CEP112: variants seen among roughly 807,000 people sequenced by gnomAD.
CEP112 encodes centrosomal protein of 112 kDa.
A neutral mutation model predicts 153.0 loss-of-function variants in CEP112; 127 were observed. The ratio of observed to expected loss-of-function variants is 0.83; its 90% CI spans 0.72 to 0.96. The LOEUF is 0.96. Ranked by LOEUF, CEP112 falls within the 40% of genes least tolerant of loss-of-function variation. CEP112 has a pLI of 0.00. For synonymous variants in CEP112, 358 were observed against 374.4 expected (o/e 0.96, Z 0.51); for missense variants, 1,089 against 1,101.2 (o/e 0.99, Z 0.16).
intron 24 of CEP112, among the ~76,000 whole-genome samples, chr17:65,648,722 G>A (rs1407282660): frequency 6.6e-6 from 1 of 152,148 alleles, no homozygotes; most frequent in Non-Finnish European, 1.5e-5. Context: ...AGCGAAGGGA[G>A]AACTAAAACA....
chr17:65,913,761 C>T (rs1017036788), intron 19 of CEP112: 28 of 985,270 alleles, frequency 2.8e-5, no homozygotes, highest in Non-Finnish European at 3.4e-5. Flanking sequence ...CTGAAGCTCC[C>T]GAAGCTCATG....
At chr17:65,664,221 A>C (rs766605656) in intron 24 of CEP112, among the ~76,000 whole-genome samples, 12 of 152,206 alleles carry the variant, frequency 7.9e-5, no homozygotes, top group Non-Finnish European at 1.8e-4. Context: ...CTGAACAGGC[A>C]GAAGTTTGGC....
intron 17 of CEP112, among the ~76,000 whole-genome samples, chr17:65,998,331 C>T (rs1185848498): frequency 7.6e-6 from 1 of 131,616 alleles, no homozygotes; most frequent in Non-Finnish European, 1.5e-5. Flanking sequence ...AGCAGTGAGC[C>T]GAGATCAGCC....
intron 24 of CEP112, among the ~76,000 whole-genome samples, chr17:65,654,067 A>AAAAAAAAAAAAAAAAAAAAAAAAAC: frequency 6.7e-6 from 1 of 150,034 alleles, no homozygotes; most frequent in Non-Finnish European, 1.5e-5. Flanking sequence ...AAAAAAAAAA[A>AAAAAAAAAAAAAAAAAAAAAAAAAC]AAAAAAAAAA....
intron 17 of CEP112, among the ~76,000 whole-genome samples, chr17:65,969,810 T>A (rs2062583996): frequency 6.7e-6 from 1 of 148,774 alleles, no homozygotes; most frequent in South Asian, 2.2e-4. Flanking sequence ...CACATGTATA[T>A]TACCTGCATA....
At chr17:65,966,602 C>A (rs1016340250) in intron 17 of CEP112, among the ~76,000 whole-genome samples, 4 of 152,112 alleles carry the variant, frequency 2.6e-5, no homozygotes, top group African/African-American at 9.7e-5. Context: ...GGCTGGAAAA[C>A]AAGACTCACA....
intron 2 of CEP112, 126 bp from the exon 3 acceptor site, chr17:66,177,146 CAG>C: frequency 1.4e-6 from 1 of 718,190 alleles, no homozygotes; most frequent in Non-Finnish European, 2.2e-6. Context: ...TGTTAAAGGC[CAG>C]AGAGTATATA....
At position 65,837,297 on chromosome 17, in the gene CEP112, C is replaced by A. The variant is rs1459402141; in HGVS notation, c.2394+14507G>T. Among the ~76,000 whole-genome samples, 3 of 151,738 alleles carry A rather than the reference C, an allele frequency of 2.0e-5. No individual in the cohort carries two copies. In the East Asian group the frequency reaches 5.8e-4, roughly 30 times the overall value. ...GGATGTGAGGAGCCCCTCTGCCCGG[C>A]CGCCCAGTCTGGAAAGTGAGGAGCG... On this transcript the variant is annotated intron_variant, in intron 21 of 26. Coordinates refer to ENST00000535342, the MANE Select transcript of CEP112 (RefSeq NM_001199165.4).
At position 65,836,381 on chromosome 17, in the gene CEP112, C is replaced by T. The variant is rs114466157; in HGVS notation, c.2394+15423G>A. Among the ~76,000 whole-genome samples, 199 of 152,190 alleles carry T rather than the reference C, an allele frequency of 1.3e-3. 2 individuals are homozygous for T. The highest frequency in any genetic ancestry group is 3.7e-3 in the African/African-American group (154 of 41,542). ...TAAAAGAAAACAAGATTCAACTGTACGCTGTCTTCAAGAAACTCACTTCAC... is the reference window on the plus strand; with the variant it reads ...TAAAAGAAAACAAGATTCAACTGTATGCTGTCTTCAAGAAACTCACTTCAC... On this transcript the variant is annotated intron_variant, in intron 21 of 26. Transcript: ENST00000535342.
chr17:66,149,123 T>C (rs1472444093), intron 4 of CEP112, among the ~76,000 whole-genome samples: 1 of 152,220 alleles, frequency 6.6e-6, no homozygotes, highest in Non-Finnish European at 1.5e-5. Context: ...TTAATGCTAA[T>C]GTAGTATATC....
At chr17:65,777,625 T>C (rs1383595447) in intron 21 of CEP112, among the ~76,000 whole-genome samples, 1 of 152,188 alleles carries the variant, frequency 6.6e-6, no homozygotes, top group African/African-American at 2.4e-5. Context: ...GTCTAGTGGT[T>C]GAAGTTCTCC....
chr17:65,785,428 C>T (rs1272237917), intron 21 of CEP112, among the ~76,000 whole-genome samples: 1 of 152,196 alleles, frequency 6.6e-6, no homozygotes, highest in African/African-American at 2.4e-5. Flanking sequence ...TTTACAATCT[C>T]ACCAGCAAAG....
intron 16 of CEP112, among the ~76,000 whole-genome samples, chr17:66,024,619 A>G (rs1427885765): frequency 6.6e-6 from 1 of 152,132 alleles, no homozygotes; most frequent in African/African-American, 2.4e-5. Context: ...AAGGAAAACT[A>G]CAAAACACTG....
At chr17:65,678,771 G>A (rs1323952156) in intron 24 of CEP112, among the ~76,000 whole-genome samples, 1 of 151,984 alleles carries the variant, frequency 6.6e-6, no homozygotes, top group East Asian at 1.9e-4. Flanking sequence ...TTGCTGACAC[G>A]TGGATTTGAT....
At chr17:65,953,019 C>T (rs1043453314) in intron 18 of CEP112, among the ~76,000 whole-genome samples, 5 of 151,584 alleles carry the variant, frequency 3.3e-5, no homozygotes, top group Non-Finnish European at 5.9e-5. Flanking sequence ...GCAAGTTCTT[C>T]GAAATACATG....
chr17:65,877,532 C>T (rs985879076), intron 20 of CEP112, among the ~76,000 whole-genome samples: 2 of 152,150 alleles, frequency 1.3e-5, no homozygotes, highest in Admixed American at 1.3e-4. Flanking sequence ...TCCTCATTCC[C>T]TCACTTCAGA....
chr17:65,686,707 C>T (rs232117), intron 24 of CEP112, among the ~76,000 whole-genome samples: 71,490 of 151,992 alleles, frequency 0.47, 17,077 homozygotes, highest in Middle Eastern at 0.55. Flanking sequence ...ACTTGGCACA[C>T]GATGGGCAAG....
intron 4 of CEP112, among the ~76,000 whole-genome samples, chr17:66,137,393 A>G (rs1232111951): frequency 6.6e-6 from 1 of 152,050 alleles, no homozygotes; most frequent in African/African-American, 2.4e-5. Flanking sequence ...AGAGAAAGAG[A>G]AGAGAGAGAA....
intron 21 of CEP112, among the ~76,000 whole-genome samples, chr17:65,841,817 A>G (rs1447523762): frequency 6.6e-6 from 1 of 151,896 alleles, no homozygotes; most frequent in Admixed American, 6.6e-5. Flanking sequence ...TTGCATAATT[A>G]TCAGCACTAA....
Sources: allele counts gnomAD v4.1 joint callset (sites outside exome capture counted in the v4.1 genomes callset), GRCh38; gene constraint gnomAD v4.1.1; transcripts MANE v1.5; gene names NCBI Gene and HGNC (gene_info 2026-07-23, HGNC 2026-07-21).